The following PHF20L1 variants were observed in gnomAD, a reference collection of about 807,000 sequenced individuals.
PHF20L1 encodes the protein PHD finger protein 20-like protein 1.
Under a neutral mutation model 125.5 loss-of-function variants are expected in PHF20L1, and 44 were observed. The ratio of observed to expected loss-of-function variants is 0.35; its 90% CI spans 0.28 to 0.45. The LOEUF is 0.45. PHF20L1 is among the 20% of genes least tolerant of loss of function. The pLI is 1.00. For synonymous variants in PHF20L1, 380 were observed against 403.1 expected (o/e 0.94, Z 0.69); for missense variants, 1,012 against 1,217.2 (o/e 0.83, Z 2.51).
At chr8:132,796,878 C>T (rs1402580652) in intron 4 of PHF20L1, among the ~76,000 whole-genome samples, 1 of 152,090 alleles carries the variant, frequency 6.6e-6, no homozygotes, top group Non-Finnish European at 1.5e-5. Flanking sequence ...TGAAATTAAA[C>T]AGTCATTGCC....
chr8:132,832,375 C>T lies in PHF20L1; in HGVS notation c.1885C>T (p.Leu629=). ...TTTYQYPRAI[L]SVDLSGENLS... ...AACCTATCAGTACCCAAGGGCAATTCTATCCGTTGATCTTAGTGGTGAAAG... is the reference window on the plus strand; with the variant it reads ...AACCTATCAGTACCCAAGGGCAATTTTATCCGTTGATCTTAGTGGTGAAAG... The change falls in exon 15 of 21, where the codon CTA becomes TTA. Residue 629 remains leucine (L), a synonymous_variant. Coordinates refer to ENST00000395386, the MANE Select transcript of PHF20L1 (RefSeq NM_016018.5). The T allele has an allele frequency of 6.2e-7, 1 of 1,611,812 alleles. No homozygotes were observed. The highest frequency in any genetic ancestry group is 8.5e-7 in the Non-Finnish European group (1 of 1,178,414).
Position 132,775,487 on chromosome 8 carries a change from G to GGCGGATCCGGCGCT in PHF20L1, c.-191_-178dup, listed in dbSNP as rs1235676935. 1 of 376,754 alleles carries GGCGGATCCGGCGCT rather than the reference G, an allele frequency of 2.7e-6. No individual in the cohort carries two copies. Among genetic ancestry groups the GGCGGATCCGGCGCT allele is most frequent in the Non-Finnish European group, 4.7e-6 (1 of 212,070 alleles). The allele number at this position is 376,754 out of a possible 1,614,324, so 23.3% of individuals were successfully genotyped here. ...CCCAGCTCCCTCCCGCGAAACCTTG[G>GGCGGATCCGGCGCT]GCGGATCCGGCGCTGCGGCCCCAGC... On this transcript the variant is annotated 5_prime_UTR_variant, in exon 1 of 21. Transcript: ENST00000395386.
At chr8:132,817,932 AT>A (rs1417549104) in intron 12 of PHF20L1, 4 of 157,634 alleles carry the variant, frequency 2.5e-5, no homozygotes, top group African/African-American at 9.6e-5. Context: ...AGAATTTAAT[AT>A]TTAAGAAACA....
intron 10 of PHF20L1, 146 bp downstream of exon 10, chr8:132,815,035 CA>C: frequency 1.7e-6 from 1 of 578,514 alleles, no homozygotes; most frequent in Admixed American, 3.2e-5. Context: ...ATTTCAGGGG[CA>C]AAAACCATAG....
At chr8:132,776,954 G>A (rs1218544512) in intron 1 of PHF20L1, among the ~76,000 whole-genome samples, 1 of 152,130 alleles carries the variant, frequency 6.6e-6, no homozygotes, top group East Asian at 1.9e-4. Flanking sequence ...GTGCTCGGTG[G>A]CCACTGTGGC....
chr8:132,839,771 T>C (rs1335145589), intron 18 of PHF20L1, among the ~76,000 whole-genome samples, 189 bp downstream of exon 18: 2 of 152,142 alleles, frequency 1.3e-5, no homozygotes, highest in Non-Finnish European at 2.9e-5. Flanking sequence ...CTGTCTATTC[T>C]AGAATGTGTA....
intron 2 of PHF20L1, among the ~76,000 whole-genome samples, chr8:132,785,401 C>G (rs1237886699): frequency 6.6e-6 from 1 of 152,058 alleles, no homozygotes; most frequent in Non-Finnish European, 1.5e-5. Context: ...TCTGCAGATG[C>G]TTCTGTTTTT....
At chr8:132,827,235 T>G (rs1379513317) in intron 14 of PHF20L1, among the ~76,000 whole-genome samples, 1 of 151,918 alleles carries the variant, frequency 6.6e-6, no homozygotes, top group Non-Finnish European at 1.5e-5. Flanking sequence ...CTCCGGAGTT[T>G]GGTAAACAAA....
chr8:132,807,964 ATTC>A, intron 8 of PHF20L1: 1 of 227,016 alleles, frequency 4.4e-6, no homozygotes, highest in South Asian at 5.1e-5. Context: ...CTTTCAGTTA[ATTC>A]TTCTCATTTT....
rs1837618366 is a variant in PHF20L1, at chr8:132,838,611, A to G, written c.2192-776A>G. ...AATAGGCATGTGGTGAATTGGTCCC[A>G]TGACTATTGGAAAAAAAGAAAAAAG... On this transcript the variant is annotated intron_variant, in intron 17 of 20. Coordinates refer to ENST00000395386, the MANE Select transcript of PHF20L1 (RefSeq NM_016018.5). 8 of 152,306 alleles carry G rather than the reference A, an allele frequency of 5.3e-5. 1 individual carries two copies. In the South Asian group the frequency reaches 1.4e-3, roughly 28 times the overall value. The allele number at this position is 152,306 out of a possible 1,614,324, so 9.4% of individuals were successfully genotyped here. A position where few individuals can be genotyped will look rare whatever the true frequency, so the allele number is the denominator to read the frequency against.
At chr8:132,791,347 G>T (rs1015502746) in intron 2 of PHF20L1, among the ~76,000 whole-genome samples, 1 of 150,126 alleles carries the variant, frequency 6.7e-6, no homozygotes, top group Non-Finnish European at 1.5e-5. Context: ...TCTGCCTCCC[G>T]GGTTCAAGCG....
At position 132,835,071 on chromosome 8, in the gene PHF20L1, T is replaced by TC. The variant is rs1425523416; in HGVS notation, c.1910-1468dup. ...GTGAATTTTTAAAGTTCAAATCTGTTCAACTTCGGTCCCATCTGATTAAGT... is the reference window on the plus strand; with the variant it reads ...GTGAATTTTTAAAGTTCAAATCTGTTCCAACTTCGGTCCCATCTGATTAAGT... On this transcript the variant is annotated intron_variant, in intron 15 of 20. Coordinates refer to ENST00000395386, the MANE Select transcript of PHF20L1 (RefSeq NM_016018.5). 4.6e-5 allele frequency among the ~76,000 whole-genome samples: 7 copies of TC among 152,228 alleles called. No homozygotes were observed. The East Asian group carries it at 5.8e-4, about 13-fold the overall frequency.
intron 12 of PHF20L1, among the ~76,000 whole-genome samples, chr8:132,821,017 T>C (rs919388146): frequency 9.2e-5 from 14 of 151,980 alleles, no homozygotes; most frequent in East Asian, 2.0e-4. Flanking sequence ...TATTGCAGCA[T>C]GTCTTAGTTA....
chr8:132,811,865 A>G, intron 9 of PHF20L1: 1 of 979,298 alleles, frequency 1.0e-6, no homozygotes, highest in Non-Finnish European at 1.2e-6. Context: ...GCCTTAATGT[A>G]GTTTTAATAT....
intron 7 of PHF20L1, 67 bp from the exon 8 acceptor site, chr8:132,804,548 T>G (rs986275349): frequency 3.1e-6 from 4 of 1,286,542 alleles, no homozygotes; most frequent in Middle Eastern, 1.9e-4. Flanking sequence ...TATTTTGCTG[T>G]TAAAAAATCA....
intron 9 of PHF20L1, chr8:132,811,877 T>A: frequency 1.0e-6 from 1 of 977,474 alleles, no homozygotes; most frequent in Non-Finnish European, 1.2e-6. Flanking sequence ...TTTTAATATA[T>A]CCTTTTTGTA....
rs925165521 is a variant in PHF20L1, at chr8:132,807,860, T to C, written c.847+3120T>C. 3 of 420,754 alleles carry C rather than the reference T, an allele frequency of 7.1e-6. No individual in the cohort carries two copies. In the East Asian group the frequency reaches 2.2e-4, roughly 31 times the overall value. 26.1% of individuals were successfully genotyped at this position (420,754 alleles called of 1,614,324 possible). ...AATTTCTTGAAGCAGTGTAATGCAT[T>C]CTTATTGGGCAATTTTATCCCATAG... On this transcript the variant is annotated intron_variant, in intron 8 of 20. Coordinates refer to ENST00000395386, the MANE Select transcript of PHF20L1 (RefSeq NM_016018.5).
intron 2 of PHF20L1, among the ~76,000 whole-genome samples, chr8:132,790,415 A>G (rs1045567463): frequency 2.0e-5 from 3 of 152,186 alleles, no homozygotes; most frequent in South Asian, 4.1e-4. Flanking sequence ...TTCCTCTCGC[A>G]GTGTAACTGG....
At chr8:132,800,616 A>G (rs1176382699) in intron 6 of PHF20L1, among the ~76,000 whole-genome samples, 1 of 151,760 alleles carries the variant, frequency 6.6e-6, no homozygotes, top group East Asian at 1.9e-4. Context: ...AAATTAATGC[A>G]CTGTGGAAAT....
Sources: gnomAD v4.1 joint callset for allele counts (sites outside exome capture counted in the v4.1 genomes callset) on GRCh38, gnomAD v4.1.1 for gene constraint, MANE v1.5 for transcripts, NCBI Gene and HGNC (gene_info 2026-07-23, HGNC 2026-07-21) for gene names.